Variants in MTAP observed in about 807,000 individuals in gnomAD.
MTAP encodes the protein methylthioadenosine phosphorylase.
In MTAP, 33 loss-of-function variants were observed where a neutral mutation model predicts 33.6. The ratio of observed to expected loss-of-function variants is 0.98; its 90% CI spans 0.74 to 1.31. The LOEUF is 1.31. MTAP is among the 40% of genes most tolerant of loss of function. The pLI, the probability that MTAP is intolerant of heterozygous loss-of-function variation, is 0.00. For missense variants in MTAP, 367 were observed against 360.0 expected, an observed-to-expected ratio of 1.02 and a Z score of -0.16; for synonymous variants, 148 against 125.7, an observed-to-expected ratio of 1.18 and a Z score of -1.19.
chr9:21,805,076 C>T (rs1824175228), intron 1 of MTAP, among the ~76,000 whole-genome samples: 1 of 152,224 alleles, frequency 6.6e-6, no homozygotes, highest in Non-Finnish European at 1.5e-5. Flanking sequence ...GTCTGAACCC[C>T]ATTGGTGTCA....
chr9:21,880,287 C>T (rs1817984487), intron 1 of MTAP, among the ~76,000 whole-genome samples: 1 of 152,120 alleles, frequency 6.6e-6, no homozygotes. Flanking sequence ...TCACCAGATG[C>T]CAGTGCCATA....
chr9:21,919,929 AC>A (rs554325744), intron 1 of MTAP, among the ~76,000 whole-genome samples: 224 of 152,308 alleles, frequency 1.5e-3, no homozygotes, highest in Middle Eastern at 3.4e-3. Flanking sequence ...AGCAAATCTG[AC>A]TGATTTTTCA....
intron 4 of MTAP, among the ~76,000 whole-genome samples, chr9:21,831,054 C>A (rs891381117): frequency 6.6e-6 from 1 of 152,184 alleles, no homozygotes; most frequent in Non-Finnish European, 1.5e-5. Context: ...ACTTGTGGTA[C>A]ATGGGCCCTC....
intron 4 of MTAP, among the ~76,000 whole-genome samples, chr9:21,835,888 G>A (rs536644014): frequency 3.9e-5 from 6 of 152,300 alleles, no homozygotes; most frequent in South Asian, 4.1e-4. Context: ...AGTTGATGAC[G>A]CAGAAAACTA....
At chr9:21,878,777 G>T (rs1826048647) in intron 1 of MTAP, among the ~76,000 whole-genome samples, 1 of 152,114 alleles carries the variant, frequency 6.6e-6, no homozygotes, top group Non-Finnish European at 1.5e-5. Context: ...TTAGTTTCAA[G>T]GAACTTCTTG....
At chr9:21,873,612 C>A (rs1327728908) in intron 1 of MTAP, among the ~76,000 whole-genome samples, 3 of 103,168 alleles carry the variant, frequency 2.9e-5, no homozygotes, top group African/African-American at 4.1e-5. Context: ...CCACCCCCGC[C>A]CCCCACCCCA....
Position 21,863,966 on chromosome 9 carries a change from G to T in MTAP, c.*1952G>T. The T allele has an allele frequency of 1.0e-6, 1 of 985,810 alleles. No homozygotes were observed. The highest frequency in any genetic ancestry group is 1.2e-6 in the Non-Finnish European group (1 of 829,926). 61.1% of individuals were successfully genotyped at this position (985,810 alleles called of 1,614,324 possible). Reference sequence around the variant, plus strand: ...TCTGGTTATCCATTAGCAATCTGTAGAGAACTTAATGAACCTGAACCCAGG... The same window carrying T: ...TCTGGTTATCCATTAGCAATCTGTATAGAACTTAATGAACCTGAACCCAGG... On this transcript the variant is annotated 3_prime_UTR_variant, in exon 8 of 8. Coordinates refer to ENST00000644715, the MANE Select transcript of MTAP (RefSeq NM_002451.4).
At chr9:21,845,212 T>TA (rs1295036118) in intron 5 of MTAP, among the ~76,000 whole-genome samples, 1 of 151,574 alleles carries the variant, frequency 6.6e-6, no homozygotes, top group African/African-American at 2.4e-5. Flanking sequence ...AAATAAAGGG[T>TA]AAAAAATCAG....
intron 1 of MTAP, among the ~76,000 whole-genome samples, chr9:21,887,850 G>C (rs1176396174): frequency 2.0e-5 from 3 of 152,216 alleles, no homozygotes; most frequent in East Asian, 3.9e-4. Flanking sequence ...TCACGTCCTT[G>C]GTTAGATATA....
chr9:21,813,570 C>T (rs150140685), intron 1 of MTAP, among the ~76,000 whole-genome samples: 1 of 152,290 alleles, frequency 6.6e-6, no homozygotes, highest in Admixed American at 6.5e-5. Flanking sequence ...AGGGTGGCTC[C>T]AAACAAAGCC....
chr9:21,920,262 G>C (rs1245232437), intron 1 of MTAP, among the ~76,000 whole-genome samples: 1 of 152,102 alleles, frequency 6.6e-6, no homozygotes, highest in East Asian at 1.9e-4. Flanking sequence ...TGACCAGAGA[G>C]AGCTGTGAGA....
chr9:21,802,875 G>C (rs778403391), intron 1 of MTAP, 94 bp downstream of exon 1: 5 of 1,537,502 alleles, frequency 3.3e-6, no homozygotes, highest in Middle Eastern at 2.1e-4. Context: ...CCATGCGCCC[G>C]GCCCGTGCGT....
intron 1 of MTAP, among the ~76,000 whole-genome samples, chr9:21,916,888 G>A (rs771165534): frequency 2.0e-5 from 3 of 152,118 alleles, no homozygotes; most frequent in Non-Finnish European, 4.4e-5. Context: ...ACTTTGTTAC[G>A]GCAGCCCGAG....
intron 1 of MTAP, among the ~76,000 whole-genome samples, chr9:21,875,478 A>T (rs1825992855): frequency 6.6e-6 from 1 of 152,016 alleles, no homozygotes; most frequent in Middle Eastern, 3.2e-3. Flanking sequence ...TTCCTTGTAG[A>T]TTCTGGATAT....
rs1824682145 is a variant in MTAP at position 21,822,867 on chromosome 9, CT to C, written c.347+4668del. 1.1e-4 allele frequency among the ~76,000 whole-genome samples: 17 copies of C among 152,288 alleles called. 1 individual carries two copies. The South Asian group carries it at 3.5e-3, about 32-fold the overall frequency. ...TTGGCTCTTCTTGTTGAATTGATCC[CT>C]TTACCATTATGTAATGGCCTTCTTT... On this transcript the variant is annotated intron_variant, in intron 4 of 7. Coordinates refer to ENST00000644715, the MANE Select transcript of MTAP (RefSeq NM_002451.4).
At chr9:21,937,509 G>A (rs1819060227) in exon 8 of MTAP, 1 of 152,142 alleles carries the variant, frequency 6.6e-6, no homozygotes, top group Admixed American at 6.5e-5. Context: ...TGAAGATTTT[G>A]TGTTTTCTCA....
chr9:21,895,262 A>G (rs185085090), intron 1 of MTAP, among the ~76,000 whole-genome samples: 1 of 152,330 alleles, frequency 6.6e-6, no homozygotes, highest in East Asian at 1.9e-4. Context: ...ATCAGACACT[A>G]CCTGACTTCA....
chr9:21,914,620 G>A (rs113110499), intron 1 of MTAP, among the ~76,000 whole-genome samples: 1 of 138,710 alleles, frequency 7.2e-6, no homozygotes, highest in South Asian at 2.7e-4. Context: ...ATCACACACC[G>A]GGGCCTCTCA....
chr9:21,815,703 G>A (rs1341474853), intron 2 of MTAP, 184 bp downstream of exon 2: 2 of 588,184 alleles, frequency 3.4e-6, no homozygotes, highest in Non-Finnish European at 3.0e-6. Context: ...GTGTCTGATG[G>A]GCGCCTCACA....
Sources: allele counts gnomAD v4.1 joint callset (sites outside exome capture counted in the v4.1 genomes callset), GRCh38; gene constraint gnomAD v4.1.1; transcripts MANE v1.5; gene names NCBI Gene and HGNC (gene_info 2026-07-23, HGNC 2026-07-21).